Variants in SGCE observed in about 807,000 individuals in gnomAD.
The protein encoded by SGCE is sarcoglycan epsilon.
SGCE carries 26 observed loss-of-function variants against 57.8 expected under a neutral mutation model. The observed-to-expected ratio is 0.45, with a 90% CI of 0.33 to 0.62. The LOEUF (loss-of-function observed/expected upper bound fraction) is 0.62, where lower values mean the gene tolerates loss of function less well. SGCE is among the 20% of genes least tolerant of loss of function. The pLI, the probability that SGCE is intolerant of heterozygous loss-of-function variation, is 0.02. For synonymous variants in SGCE, 183 were observed against 189.5 expected (o/e 0.97, Z 0.28); for missense variants, 468 against 548.6 (o/e 0.85, Z 1.47).
At chr7:94,650,419 AT>A (rs1175956488) in intron 1 of SGCE, among the ~76,000 whole-genome samples, 3 of 152,012 alleles carry the variant, frequency 2.0e-5, no homozygotes, top group African/African-American at 7.2e-5. Context: ...TAGGAAGCAA[AT>A]TAAGCAAGTT....
intron 10 of SGCE, chr7:94,586,793 C>T: frequency 2.0e-6 from 2 of 981,182 alleles, no homozygotes; most frequent in Non-Finnish European, 2.4e-6. Flanking sequence ...TGAGCCACCG[C>T]ACCCAGCCTC....
In SGCE at chr7:94,656,024, C is replaced by G; in HGVS notation, c.75G>C (p.Met25Ile). The change falls in exon 1 of 11, where the codon ATG becomes ATC. Residue 25 changes from methionine (M) to isoleucine (I), a missense_variant. Transcript: ENST00000648936. ...AGAATGTGCCAGTGGTCGCGGGGCT[C>G]ATCCTGCGTGTCCCCCGACCCTGTC... is the stretch of plus-strand genomic sequence containing the variant. ...WTGQGRGTRR[M>I]SPATTGTFLL... 1 of 1,612,980 alleles carries G rather than the reference C, an allele frequency of 6.2e-7. No individual in the cohort carries two copies. The highest frequency in any genetic ancestry group is 1.7e-5 in the Admixed American group (1 of 60,006).
At chr7:94,616,305 G>A (rs1326119503) in intron 5 of SGCE, among the ~76,000 whole-genome samples, 1 of 152,030 alleles carries the variant, frequency 6.6e-6, no homozygotes, top group Non-Finnish European at 1.5e-5. Context: ...CTTATTACTT[G>A]TGGCTGACAT....
intron 1 of SGCE, among the ~76,000 whole-genome samples, chr7:94,636,667 C>A (rs1349981188): frequency 6.6e-6 from 1 of 152,138 alleles, no homozygotes; most frequent in Non-Finnish European, 1.5e-5. Flanking sequence ...GCTTTTGTAA[C>A]CACTTACTGG....
chr7:94,613,860 C>G (rs1044170644), intron 5 of SGCE, among the ~76,000 whole-genome samples: 2 of 152,086 alleles, frequency 1.3e-5, no homozygotes, highest in Non-Finnish European at 2.9e-5. Flanking sequence ...CAGCACAAAA[C>G]TTCCTGCCTT....
chr7:94,590,746 C>G (rs2116591161), intron 9 of SGCE: 1 of 152,234 alleles, frequency 6.6e-6, no homozygotes, highest in Non-Finnish European at 1.5e-5. Context: ...GGAATCCTGT[C>G]AGCTTTGTTT....
intron 9 of SGCE, among the ~76,000 whole-genome samples, chr7:94,594,779 A>AT (rs1370616183): frequency 6.6e-6 from 1 of 152,176 alleles, no homozygotes; most frequent in East Asian, 1.9e-4. Context: ...TTATTAAAGA[A>AT]TAAACACATT....
At chr7:94,641,991 G>A (rs1483717594) in intron 1 of SGCE, among the ~76,000 whole-genome samples, 1 of 152,072 alleles carries the variant, frequency 6.6e-6, no homozygotes, top group Non-Finnish European at 1.5e-5. Context: ...TTGTATGCTT[G>A]TATCAAAATG....
intron 3 of SGCE, chr7:94,627,513 T>C (rs1584687945): frequency 6.6e-6 from 1 of 152,176 alleles, no homozygotes; most frequent in East Asian, 1.9e-4. Flanking sequence ...ATCATTTACC[T>C]ACTAGGGTAC....
intron 6 of SGCE, among the ~76,000 whole-genome samples, chr7:94,603,002 G>A (rs111449523): frequency 6.6e-6 from 1 of 152,242 alleles, no homozygotes; most frequent in Non-Finnish European, 1.5e-5. Flanking sequence ...TCCACTATCT[G>A]TGCTCATTAG....
At chr7:94,646,300 T>C (rs1483927546) in intron 1 of SGCE, among the ~76,000 whole-genome samples, 1 of 152,190 alleles carries the variant, frequency 6.6e-6, no homozygotes, top group Non-Finnish European at 1.5e-5. Context: ...AAACACAATA[T>C]CAAAATTGAG....
At chr7:94,588,057 A>G (rs1797140040) in intron 10 of SGCE, 1 of 1,349,556 alleles carries the variant, frequency 7.4e-7, no homozygotes, top group Non-Finnish European at 9.5e-7. Flanking sequence ...ACTAATTAGA[A>G]GACAATCATG....
At position 94,588,652 on chromosome 7, in the gene SGCE, C is replaced by G. The variant is rs183816478; in HGVS notation, c.1297+37G>C. 33 of 1,567,892 alleles carry G rather than the reference C, an allele frequency of 2.1e-5. No individual in the cohort carries two copies. The East Asian group carries it at 6.7e-4, about 32-fold the overall frequency. On this transcript the variant is annotated intron_variant, in intron 10 of 10. Transcript: ENST00000648936. ...TAATTATCTTTTAATCTATTAGATT[C>G]ATTCATAAACATTAATTTATTATTC...
Position 94,628,152 on chromosome 7 carries a change from AC to A in SGCE, c.390+49del, listed in dbSNP as rs1804043640. ...CAAATTACAATACACACACACACAC[AC>A]ACACACACACATATATGTATAGTTT... On this transcript the variant is annotated intron_variant, in intron 3 of 10. Transcript: ENST00000648936. The A allele has an allele frequency of 4.2e-6, 6 of 1,413,988 alleles. No homozygotes were observed. In the African/African-American group the frequency reaches 8.5e-5, roughly 20 times the overall value. 87.6% of individuals were successfully genotyped at this position (1,413,988 alleles called of 1,614,324 possible). A position where few individuals can be genotyped will look rare whatever the true frequency, so the allele number is the denominator to read the frequency against.
intron 5 of SGCE, 87 bp downstream of exon 5, chr7:94,618,671 T>G: frequency 1.8e-6 from 2 of 1,089,302 alleles, no homozygotes; most frequent in Non-Finnish European, 2.7e-6. Context: ...AAAAATGCAA[T>G]AGGCCATCTT....
chr7:94,654,617 C>T (rs1192361758), intron 1 of SGCE, among the ~76,000 whole-genome samples: 1 of 150,174 alleles, frequency 6.7e-6, no homozygotes, highest in African/African-American at 2.4e-5. Flanking sequence ...CATTCATATT[C>T]CGGATAGTGG....
intron 9 of SGCE, among the ~76,000 whole-genome samples, chr7:94,596,489 C>G (rs1432913855): frequency 6.6e-6 from 1 of 152,126 alleles, no homozygotes; most frequent in African/African-American, 2.4e-5. Context: ...TCAACAGAAG[C>G]ATTTCTCAAA....
In SGCE at chr7:94,618,864, C is replaced by T. The variant is rs746585235; in HGVS notation, c.556G>A (p.Ala186Thr). The T allele has an allele frequency of 1.4e-5, 23 of 1,613,834 alleles. No homozygotes were observed. In the East Asian group the frequency reaches 3.3e-4, roughly 23 times the overall value. Residue 186 changes from alanine to threonine, a missense_variant, in exon 5 of 11, where the codon GCA becomes ACA. Coordinates refer to ENST00000648936, the MANE Select transcript of SGCE (RefSeq NM_003919.3). ...ASEVLGDFLG[A>T]VKNVWQPERL... ...TCTGGCTGCCACACATTTTTCACTG[C>T]GCCAAGAAAGTCTCCAAGAACCTCA...
intron 6 of SGCE, among the ~76,000 whole-genome samples, chr7:94,602,684 G>A (rs994754042): frequency 6.6e-6 from 1 of 151,858 alleles, no homozygotes. Context: ...GCAAACATAT[G>A]TAAAATATTA....
Sources: allele counts gnomAD v4.1 joint callset (sites outside exome capture counted in the v4.1 genomes callset), GRCh38; gene constraint gnomAD v4.1.1; transcripts MANE v1.5; gene names NCBI Gene and HGNC (gene_info 2026-07-23, HGNC 2026-07-21).